LARGE1: variants seen among roughly 807,000 people sequenced by gnomAD.
LARGE1 encodes the protein LARGE xylosyl- and glucuronyltransferase 1.
Under a neutral mutation model 87.6 loss-of-function variants are expected in LARGE1, and 43 were observed. The ratio of observed to expected loss-of-function variants is 0.49; its 90% CI spans 0.38 to 0.63. LARGE1 has a LOEUF of 0.63. LARGE1 is among the 30% of genes least tolerant of loss of function. LARGE1 has a pLI of 0.00. For missense variants in LARGE1, 802 were observed against 1,000.2 expected (o/e 0.80, Z 2.67); for synonymous variants, 434 against 394.6 (o/e 1.10, Z -1.18).
At chr22:33,651,765 C>T (rs1484126978) in intron 2 of LARGE1, among the ~76,000 whole-genome samples, 2 of 152,094 alleles carry the variant, frequency 1.3e-5, no homozygotes, top group Non-Finnish European at 2.9e-5. Flanking sequence ...TTAAAAGCAA[C>T]AAGGAAAAAA....
intron 1 of LARGE1, among the ~76,000 whole-genome samples, chr22:33,764,269 CA>C (rs2084829508): frequency 6.6e-6 from 1 of 152,142 alleles, no homozygotes; most frequent in South Asian, 2.1e-4. Context: ...CTGAAGGATC[CA>C]CCTACTCAAT....
intron 1 of LARGE1, among the ~76,000 whole-genome samples, chr22:33,858,699 A>G (rs760401472): frequency 6.6e-6 from 1 of 152,196 alleles, no homozygotes; most frequent in African/African-American, 2.4e-5. Flanking sequence ...TACTGGGTAC[A>G]TACCCAAAGG....
At chr22:33,431,089 G>A (rs148566162) in intron 7 of LARGE1, among the ~76,000 whole-genome samples, 209 of 152,304 alleles carry the variant, frequency 1.4e-3, no homozygotes, top group African/African-American at 4.5e-3. Context: ...CAAAGATCAG[G>A]AGTCTGCATC....
rs186366369 is a variant in LARGE1, at chr22:33,579,681, T to C, written c.616-14662A>G. 2.6e-4 allele frequency among the ~76,000 whole-genome samples: 39 copies of C among 152,298 alleles called. No homozygotes were observed. The East Asian group carries it at 5.0e-3, about 20-fold the overall frequency. On this transcript the variant is annotated intron_variant, in intron 5 of 14. Transcript: ENST00000397394. ...ATCTAGTGGTAGGGCCTGGCATTGC[T>C]GCTTGTTTGGGTTTGGAACACAAGC...
chr22:33,070,172 C>A, the LARGE1 span, among the ~76,000 whole-genome samples: 12 of 152,202 alleles, frequency 7.9e-5, no homozygotes, highest in African/African-American at 2.7e-4. Flanking sequence ...CCTGCAAGGA[C>A]CTGCAATTCC....
At chr22:33,115,645 G>T in the LARGE1 span, among the ~76,000 whole-genome samples, 4 of 151,430 alleles carry the variant, frequency 2.6e-5, no homozygotes, top group African/African-American at 7.3e-5. Flanking sequence ...GTGAAACCTC[G>T]TCTCTACTAA....
chr22:33,794,268 C>G (rs2085914141), intron 1 of LARGE1, among the ~76,000 whole-genome samples: 1 of 152,160 alleles, frequency 6.6e-6, no homozygotes, highest in Non-Finnish European at 1.5e-5. Flanking sequence ...AAGATGGTGT[C>G]TGAGTCTGAT....
At chr22:33,263,546 G>A (rs1927761082) in intron 11 of LARGE1, among the ~76,000 whole-genome samples, 1 of 152,202 alleles carries the variant, frequency 6.6e-6, no homozygotes, top group Non-Finnish European at 1.5e-5. Context: ...AACCCACAAG[G>A]AACTGAATTC....
intron 2 of LARGE1, among the ~76,000 whole-genome samples, chr22:33,707,852 C>T (rs1225866528): frequency 6.6e-6 from 1 of 152,128 alleles, no homozygotes; most frequent in Non-Finnish European, 1.5e-5. Context: ...CCATAAAAAT[C>T]AACAATATCA....
chr22:33,818,068 A>G (rs998659231), intron 1 of LARGE1, among the ~76,000 whole-genome samples: 3 of 152,146 alleles, frequency 2.0e-5, no homozygotes, highest in African/African-American at 7.2e-5. Context: ...GACAGGTTCT[A>G]TGCTTTAGTT....
chr22:33,232,512 C>T (rs987838014), intron 11 of LARGE1, among the ~76,000 whole-genome samples: 5 of 152,200 alleles, frequency 3.3e-5, no homozygotes, highest in Non-Finnish European at 7.3e-5. Context: ...AAAACTACCT[C>T]AGGGTGGGAA....
intron 1 of LARGE1, among the ~76,000 whole-genome samples, chr22:33,831,193 G>A (rs916897554): frequency 4.1e-5 from 6 of 147,274 alleles, no homozygotes; most frequent in South Asian, 2.1e-4. Context: ...TGATCCACCC[G>A]CCTCTGCCTC....
intron 1 of LARGE1, among the ~76,000 whole-genome samples, chr22:33,796,004 A>AG (rs2146026531): frequency 6.6e-6 from 1 of 151,748 alleles, no homozygotes; most frequent in East Asian, 1.9e-4. Flanking sequence ...ATTAAAAAAA[A>AG]AAAAAAGAAC....
At chr22:33,256,931 T>A (rs984631399) in intron 11 of LARGE1, among the ~76,000 whole-genome samples, 2 of 152,178 alleles carry the variant, frequency 1.3e-5, no homozygotes, top group Non-Finnish European at 2.9e-5. Context: ...TGAGGCCGGC[T>A]GTGCTGGCTC....
At chr22:33,695,836 G>A (rs1407324919) in intron 2 of LARGE1, among the ~76,000 whole-genome samples, 2 of 152,190 alleles carry the variant, frequency 1.3e-5, no homozygotes, top group African/African-American at 4.8e-5. Context: ...TCAAGATGCA[G>A]AACGTTCTGG....
the LARGE1 span, among the ~76,000 whole-genome samples, chr22:33,089,695 C>A: frequency 6.6e-6 from 1 of 151,802 alleles, no homozygotes; most frequent in Non-Finnish European, 1.5e-5. Flanking sequence ...TGGGGTCTCA[C>A]TATGTTGCCC....
rs116050591 is a variant in LARGE1 at position 33,835,756 on chromosome 22, G to A, written c.-82-74198C>T. Among the ~76,000 whole-genome samples, 594 of 152,294 alleles carry A rather than the reference G, an allele frequency of 3.9e-3. 2 individuals are homozygous for A. The highest frequency in any genetic ancestry group is 0.013 in the African/African-American group (533 of 41,568). ...TAAAATAGGGGAAATTGAGGCATAC[G>A]GTTAAAGCAGTCCTGAAATAAAATC... On this transcript the variant is annotated intron_variant, in intron 1 of 14. Coordinates refer to ENST00000397394, the MANE Select transcript of LARGE1 (RefSeq NM_133642.5).
At chr22:33,089,428 T>TTTC in the LARGE1 span, among the ~76,000 whole-genome samples, 1 of 74,012 alleles carries the variant, frequency 1.4e-5, no homozygotes, top group South Asian at 4.5e-4. Context: ...CTTCTTCCTC[T>TTTC]TCCTCTTCTT....
the LARGE1 span, among the ~76,000 whole-genome samples, chr22:33,112,919 T>A: frequency 1.3e-5 from 2 of 152,120 alleles, no homozygotes; most frequent in Non-Finnish European, 2.9e-5. Context: ...AATCATCATG[T>A]CAGGAGGGCA....
Sources: allele counts gnomAD v4.1 joint callset (sites outside exome capture counted in the v4.1 genomes callset), GRCh38; gene constraint gnomAD v4.1.1; transcripts MANE v1.5; gene names NCBI Gene and HGNC (gene_info 2026-07-23, HGNC 2026-07-21).